Variants in INSYN2B observed in about 807,000 individuals in gnomAD.
INSYN2B encodes the protein protein INSYN2B.
INSYN2B carries 16 observed loss-of-function variants against 41.2 expected under a neutral mutation model. The ratio of observed to expected loss-of-function variants is 0.39; its 90% CI spans 0.26 to 0.59. INSYN2B has a LOEUF of 0.59. Among genes scored for constraint, INSYN2B ranks in the 20% least tolerant of loss-of-function variants. INSYN2B has a pLI of 0.57. For synonymous variants in INSYN2B, 245 were observed against 244.4 expected (o/e 1.00, Z -0.02); for missense variants, 608 against 646.4 (o/e 0.94, Z 0.64).
chr5:169,907,490 C>T (rs1021169816), intron 1 of INSYN2B, among the ~76,000 whole-genome samples: 3 of 152,142 alleles, frequency 2.0e-5, no homozygotes, highest in Non-Finnish European at 4.4e-5. Context: ...TTTAGAAAGT[C>T]AAAGTAGTTA....
intron 3 of INSYN2B, among the ~76,000 whole-genome samples, chr5:169,878,057 C>T (rs748441542): frequency 3.3e-5 from 5 of 152,168 alleles, no homozygotes; most frequent in Non-Finnish European, 7.3e-5. Flanking sequence ...AAAAGAAATG[C>T]GTGATCTCTG....
chr5:169,958,615 G>A (rs1394980085), intron 1 of INSYN2B, among the ~76,000 whole-genome samples: 2 of 151,810 alleles, frequency 1.3e-5, no homozygotes, highest in African/African-American at 4.8e-5. Context: ...TACAAAATGT[G>A]GTTTAAATAT....
intron 1 of INSYN2B, among the ~76,000 whole-genome samples, chr5:169,890,664 C>T (rs1185583129): frequency 6.6e-6 from 1 of 152,114 alleles, no homozygotes; most frequent in Admixed American, 6.5e-5. Flanking sequence ...CATGGGTTGA[C>T]TTGAGGAAAA....
chr5:169,971,188 C>CAA (rs34023676), intron 1 of INSYN2B, among the ~76,000 whole-genome samples: 21 of 143,852 alleles, frequency 1.5e-4, no homozygotes, highest in African/African-American at 3.8e-4. Flanking sequence ...GAAAGAAAGG[C>CAA]AAAAAAAAAA....
At chr5:169,972,517 G>A (rs779293178) in intron 1 of INSYN2B, among the ~76,000 whole-genome samples, 5 of 151,224 alleles carry the variant, frequency 3.3e-5, no homozygotes, top group Non-Finnish European at 7.4e-5. Context: ...GGACAAAATT[G>A]CCCCAGTTAA....
chr5:169,936,922 G>GA (rs1776026589), intron 1 of INSYN2B, among the ~76,000 whole-genome samples: 1 of 152,168 alleles, frequency 6.6e-6, no homozygotes, highest in Non-Finnish European at 1.5e-5. Context: ...CATACTTACA[G>GA]AAAAATCAAA....
intron 1 of INSYN2B, among the ~76,000 whole-genome samples, chr5:169,903,351 C>T (rs1308389607): frequency 4.0e-5 from 6 of 149,068 alleles, no homozygotes; most frequent in Non-Finnish European, 7.4e-5. Flanking sequence ...AAGTTAAGAG[C>T]AGGGTGGTAA....
intron 1 of INSYN2B, among the ~76,000 whole-genome samples, chr5:169,940,483 G>A (rs1454982944): frequency 6.6e-6 from 1 of 152,136 alleles, no homozygotes; most frequent in African/African-American, 2.4e-5. Flanking sequence ...ATTTCTATTA[G>A]TATTATATTT....
At chr5:169,868,998 T>C (rs1261578373) in intron 3 of INSYN2B, among the ~76,000 whole-genome samples, 2 of 152,148 alleles carry the variant, frequency 1.3e-5, no homozygotes, top group Non-Finnish European at 2.9e-5. Context: ...TTCCCACGGC[T>C]CAGTTGAACT....
intron 1 of INSYN2B, among the ~76,000 whole-genome samples, chr5:169,886,995 A>G (rs1239402191): frequency 6.6e-6 from 1 of 152,198 alleles, no homozygotes; most frequent in Non-Finnish European, 1.5e-5. Flanking sequence ...CCCACTTTAT[A>G]AATGAGGGAA....
intron 3 of INSYN2B, among the ~76,000 whole-genome samples, chr5:169,866,295 T>A (rs574557522): frequency 1.7e-4 from 26 of 152,324 alleles, no homozygotes; most frequent in African/African-American, 6.3e-4. Flanking sequence ...CATCATTATA[T>A]TAAATTAGAA....
intron 1 of INSYN2B, among the ~76,000 whole-genome samples, chr5:169,924,118 G>A (rs1775314823): frequency 6.6e-6 from 1 of 152,160 alleles, no homozygotes; most frequent in Non-Finnish European, 1.5e-5. Flanking sequence ...TCCAGAGGCA[G>A]AGGCACCTGC....
intron 1 of INSYN2B, among the ~76,000 whole-genome samples, chr5:169,906,873 A>T (rs1023324413): frequency 1.3e-5 from 2 of 152,186 alleles, no homozygotes; most frequent in African/African-American, 4.8e-5. Context: ...GTCCTGCTGG[A>T]AATGTGCATG....
chr5:169,895,106 C>T (rs937038275), intron 1 of INSYN2B, among the ~76,000 whole-genome samples: 6 of 152,176 alleles, frequency 3.9e-5, no homozygotes, highest in Admixed American at 1.3e-4. Context: ...GCCCCATCCA[C>T]CTCCCATGCA....
intron 1 of INSYN2B, among the ~76,000 whole-genome samples, chr5:169,897,189 G>A (rs942048445): frequency 2.0e-5 from 3 of 152,054 alleles, no homozygotes; most frequent in Non-Finnish European, 4.4e-5. Context: ...GAAGAAATGT[G>A]AGCTCTTTTT....
chr5:169,907,916 G>A (rs1176545608), intron 1 of INSYN2B, among the ~76,000 whole-genome samples: 1 of 152,144 alleles, frequency 6.6e-6, no homozygotes, highest in Non-Finnish European at 1.5e-5. Context: ...AGTCCGTGTC[G>A]GTAAACATCT....
At chr5:169,918,642 G>A (rs1377074886) in intron 1 of INSYN2B, among the ~76,000 whole-genome samples, 1 of 152,234 alleles carries the variant, frequency 6.6e-6, no homozygotes, top group Non-Finnish European at 1.5e-5. Context: ...ACCAGGTGCA[G>A]TGGCTCATGC....
intron 1 of INSYN2B, among the ~76,000 whole-genome samples, chr5:169,912,626 T>C (rs1774663402): frequency 1.3e-5 from 2 of 151,764 alleles, no homozygotes. Context: ...AGTGTATGTG[T>C]GTGTGTGTGT....
intron 1 of INSYN2B, among the ~76,000 whole-genome samples, chr5:169,973,872 A>G (rs1437365497): frequency 1.3e-5 from 2 of 152,120 alleles, no homozygotes; most frequent in Non-Finnish European, 2.9e-5. Context: ...CCATCTATTC[A>G]TTCATTCATC....
Sources: allele counts gnomAD v4.1 joint callset (sites outside exome capture counted in the v4.1 genomes callset), GRCh38; gene constraint gnomAD v4.1.1; transcripts MANE v1.5; gene names NCBI Gene and HGNC (gene_info 2026-07-23, HGNC 2026-07-21).